PKIG: variants seen among roughly 807,000 people sequenced by gnomAD.
PKIG encodes cAMP-dependent protein kinase inhibitor gamma.
PKIG carries 1 observed loss-of-function variant against 6.8 expected under a neutral mutation model. That is an observed-to-expected ratio of 0.15 (90% CI 0.05 to 0.69). The LOEUF is 0.69. Among genes scored for constraint, PKIG ranks in the 30% least tolerant of loss-of-function variants. The probability of loss-of-function intolerance (pLI) is 0.82; values close to 1 mark genes in which losing one functional copy is unlikely to be tolerated. For synonymous variants in PKIG, 39 were observed against 43.0 expected (o/e 0.91, Z 0.36); for missense variants, 77 against 104.0 (o/e 0.74, Z 1.13).
chr20:44,607,123 A>T (rs912293304), intron 2 of PKIG, among the ~76,000 whole-genome samples: 2 of 152,192 alleles, frequency 1.3e-5, no homozygotes, highest in East Asian at 3.9e-4. Context: ...TGAGGTGGCA[A>T]TTCCACTTTT....
chr20:44,593,309 G>A (rs921499438), intron 2 of PKIG, among the ~76,000 whole-genome samples: 1 of 151,090 alleles, frequency 6.6e-6, no homozygotes, highest in Non-Finnish European at 1.5e-5. Flanking sequence ...ACTCCAGCCT[G>A]GCTGAAAGAG....
At chr20:44,617,601 C>T (rs1164361342) in intron 3 of PKIG, among the ~76,000 whole-genome samples, 1 of 152,058 alleles carries the variant, frequency 6.6e-6, no homozygotes, top group Non-Finnish European at 1.5e-5. Context: ...CCTGCTGCTG[C>T]CCCTCACCCC....
In PKIG at chr20:44,576,158, AGTGTGTGTGTGTGTGT is replaced by A. The variant is rs3221821; in HGVS notation, c.-240-6400_-240-6385del. Among the ~76,000 whole-genome samples, 20 of 140,600 alleles carry A rather than the reference AGTGTGTGTGTGTGTGT, an allele frequency of 1.4e-4. 1 individual carries two copies. In the South Asian group the frequency reaches 2.6e-3, roughly 18 times the overall value. 92.2% of individuals were successfully genotyped at this position (140,600 alleles called of 152,430 possible). A position where few individuals can be genotyped will look rare whatever the true frequency, so the allele number is the denominator to read the frequency against. The stretch of plus-strand genomic sequence containing the variant: ...TTTTACCATAGACTGGACTAAGTAG[AGTGTGTGTGTGTGTGT>A]GTGTGTGTGTGTGTGTGTGTGTGTG... On this transcript the variant is annotated intron_variant, in intron 1 of 4. Transcript: ENST00000372887.
Position 44,603,807 on chromosome 20 carries a change from AGTAAAG to A in PKIG, c.-23-10724_-23-10719del, listed in dbSNP as rs59333694. 7.4e-3 allele frequency among the ~76,000 whole-genome samples: 1,132 copies of A among 152,320 alleles called. 13 individuals carry two copies. The highest frequency in any genetic ancestry group is 0.025 in the African/African-American group (1,050 of 41,556). ...TGGAGATAGGTCATGGGCTGTTGGA[AGTAAAG>A]GTTTAGAACTCAGGAGAGAAAAGAC... is the stretch of plus-strand genomic sequence containing the variant. On this transcript the variant is annotated intron_variant, in intron 2 of 3. Transcript: ENST00000372886.
At chr20:44,571,575 C>CTG (rs760303812) in intron 1 of PKIG, among the ~76,000 whole-genome samples, 13 of 152,180 alleles carry the variant, frequency 8.5e-5, no homozygotes, top group Non-Finnish European at 1.3e-4. Context: ...TGGAAGCTGC[C>CTG]AACATGCATG....
At chr20:44,617,163 C>T (rs1357693731) in intron 3 of PKIG, among the ~76,000 whole-genome samples, 1 of 152,076 alleles carries the variant, frequency 6.6e-6, no homozygotes, top group African/African-American at 2.4e-5. Flanking sequence ...ATCTGCAGAC[C>T]CTGGAGCTTG....
At position 44,617,909 on chromosome 20, in the gene PKIG, AAAC is replaced by A. The variant is rs1455630243; in HGVS notation, c.152-373_152-371del. 2.2e-3 allele frequency among the ~76,000 whole-genome samples: 330 copies of A among 149,994 alleles called. 2 individuals carry two copies. The highest frequency in any genetic ancestry group is 7.1e-3 in the African/African-American group (288 of 40,702). ...AAAATACAAAAATTAAAAAAAAAAC[AAAC>A]AAACAGAACAGCTGCCATTTGCTGA... On this transcript the variant is annotated intron_variant, in intron 3 of 3. Coordinates refer to ENST00000372886, the MANE Select transcript of PKIG (RefSeq NM_001281445.2).
intron 1 of PKIG, among the ~76,000 whole-genome samples, chr20:44,557,951 A>C (rs1039045164): frequency 2.6e-5 from 4 of 152,208 alleles, no homozygotes; most frequent in Non-Finnish European, 4.4e-5. Flanking sequence ...TTTGCATAGC[A>C]GAGGGACTAG....
intron 2 of PKIG, among the ~76,000 whole-genome samples, chr20:44,600,780 T>C (rs1244580460): frequency 6.6e-6 from 1 of 151,210 alleles, no homozygotes; most frequent in Admixed American, 6.6e-5. Flanking sequence ...TGGTCCTGGG[T>C]TTCCAGCTGG....
intron 2 of PKIG, among the ~76,000 whole-genome samples, chr20:44,594,573 G>A (rs1314891791): frequency 6.6e-6 from 1 of 152,214 alleles, no homozygotes; most frequent in Non-Finnish European, 1.5e-5. Context: ...GAGATGTTAA[G>A]TGATTTGCTC....
intron 2 of PKIG, among the ~76,000 whole-genome samples, chr20:44,602,097 T>G (rs1207007924): frequency 6.6e-6 from 1 of 152,194 alleles, no homozygotes; most frequent in Non-Finnish European, 1.5e-5. Context: ...CAATCACATG[T>G]CTGGCAATCA....
In PKIG at chr20:44,544,548, G is replaced by A. The variant is rs116140777; in HGVS notation, c.-241+12570G>A. ...CACAGCTTGCAGTCACCAAGTGGTCGCACGTGTTGGCTCTGGCTCTCTAGC... is the reference window on the plus strand; with the variant it reads ...CACAGCTTGCAGTCACCAAGTGGTCACACGTGTTGGCTCTGGCTCTCTAGC... On this transcript the variant is annotated intron_variant, in intron 1 of 4. Coordinates refer to the PKIG transcript ENST00000372887. 1.6e-3 allele frequency among the ~76,000 whole-genome samples: 250 copies of A among 152,300 alleles called. 1 individual carries two copies. The highest frequency in any genetic ancestry group is 5.5e-3 in the African/African-American group (229 of 41,578).
At chr20:44,558,742 C>T (rs2064742021) in intron 1 of PKIG, among the ~76,000 whole-genome samples, 1 of 148,704 alleles carries the variant, frequency 6.7e-6, no homozygotes, top group Non-Finnish European at 1.5e-5. Flanking sequence ...TCCCTTCCTT[C>T]CTTTCTTTTC....
At chr20:44,532,574 T>G (rs1190198856) in intron 1 of PKIG, among the ~76,000 whole-genome samples, 2 of 152,124 alleles carry the variant, frequency 1.3e-5, no homozygotes, top group Non-Finnish European at 2.9e-5. Context: ...AACTCCACAG[T>G]TTTCCGGAGG....
chr20:44,591,395 A>G (rs1472062768), intron 2 of PKIG, among the ~76,000 whole-genome samples: 1 of 152,150 alleles, frequency 6.6e-6, no homozygotes, highest in Non-Finnish European at 1.5e-5. Flanking sequence ...GTTGTGAGTC[A>G]GGCTTAGGAA....
In PKIG at chr20:44,610,500, T is replaced by TTACACA. The variant is rs1555841183; in HGVS notation, c.-23-4034_-23-4033insTACACA. Among the ~76,000 whole-genome samples, 12 of 135,492 alleles carry TTACACA rather than the reference T, an allele frequency of 8.9e-5. No individual in the cohort carries two copies. The South Asian group carries it at 2.1e-3, about 23-fold the overall frequency. 88.9% of individuals were successfully genotyped at this position (135,492 alleles called of 152,430 possible). On this transcript the variant is annotated intron_variant, in intron 2 of 3. Coordinates refer to ENST00000372886, the MANE Select transcript of PKIG (RefSeq NM_001281445.2). ...TCTCTCTCTCTTCTCTCTCTCTCTCTCACACACACACACACACACACACAC... is the reference window on the plus strand; with the variant it reads ...TCTCTCTCTCTTCTCTCTCTCTCTCTTACACACACACACACACACACACACACACAC...
chr20:44,542,873 G>C (rs1024435596), intron 1 of PKIG, among the ~76,000 whole-genome samples: 1 of 152,180 alleles, frequency 6.6e-6, no homozygotes, highest in African/African-American at 2.4e-5. Flanking sequence ...GATTACAGGC[G>C]TGAGCCACTG....
At chr20:44,574,979 A>G (rs1190795822) in intron 1 of PKIG, among the ~76,000 whole-genome samples, 2 of 152,216 alleles carry the variant, frequency 1.3e-5, no homozygotes, top group South Asian at 2.1e-4. Flanking sequence ...CATTTAACTC[A>G]TAAGTTATTT....
At chr20:44,560,084 G>A (rs2064753509) in intron 1 of PKIG, among the ~76,000 whole-genome samples, 1 of 151,154 alleles carries the variant, frequency 6.6e-6, no homozygotes, top group South Asian at 2.1e-4. Flanking sequence ...AAAGAAAGAA[G>A]GAAAGAAAAA....
Sources: gnomAD v4.1 joint callset for allele counts (sites outside exome capture counted in the v4.1 genomes callset) on GRCh38, gnomAD v4.1.1 for gene constraint, MANE v1.5 for transcripts, NCBI Gene and HGNC (gene_info 2026-07-23, HGNC 2026-07-21) for gene names.